The following NXF1 variants were observed in gnomAD, a reference collection of about 807,000 sequenced individuals.
NXF1 encodes the protein mRNA export factor TAP.
In NXF1, 43 loss-of-function variants were observed where a neutral mutation model predicts 92.4. The observed-to-expected ratio is 0.47, with a 90% confidence interval of 0.36 to 0.60. NXF1 has a LOEUF of 0.60. Ranked by LOEUF, NXF1 falls within the 20% of genes least tolerant of loss-of-function variation. NXF1 has a pLI of 0.00. For synonymous variants in NXF1, 288 were observed against 292.2 expected, an observed-to-expected ratio of 0.99 and a Z score of 0.15; for missense variants, 576 against 793.0, an observed-to-expected ratio of 0.73 and a Z score of 3.29.
At chr11:62,795,053 T>G in intron 17 of NXF1, 46 bp from the exon 18 acceptor site, 1 of 1,555,706 alleles carries the variant, frequency 6.4e-7, no homozygotes, top group South Asian at 1.1e-5. Context: ...TAGTGCTTTA[T>G]GTTTACAAAC....
Position 62,796,461 on chromosome 11 carries a change from G to A in NXF1, c.1285C>T (p.Arg429Ter), listed in dbSNP as rs1242043093. Reference sequence around the variant, plus strand: ...CAGATTCTGGGATGTGATACTAACCGGGCAGGGTTCTGAGGAATGAAAGGA... The same window carrying A: ...CAGATTCTGGGATGTGATACTAACCAGGCAGGGTTCTGAGGAATGAAAGGA... ...SIPFIPQNPARSSLAEYFKDS... is the reference protein window; with the variant it reads ...SIPFIPQNPA The change falls in exon 14 of 21, where the codon CGA becomes TGA. Residue 429 changes from arginine to a stop codon, truncating the protein, a stop_gained and splice_region_variant. Coordinates refer to ENST00000294172, the MANE Select transcript of NXF1 (RefSeq NM_006362.5). LOFTEE classifies it high-confidence loss of function. 1.9e-6 allele frequency: 3 copies of A among 1,613,896 alleles called. No homozygotes were observed. Among genetic ancestry groups the A allele is most frequent in the Admixed American group, 1.7e-5 (1 of 59,998 alleles).
At chr11:62,795,183 T>C (rs967964985) in intron 17 of NXF1, 176 bp from the exon 18 acceptor site, 6 of 584,674 alleles carry the variant, frequency 1.0e-5, no homozygotes, top group East Asian at 5.7e-5. Context: ...GAAAGGACAA[T>C]AGTAATAACT....
chr11:62,799,493 C>G, intron 10 of NXF1: 2 of 985,830 alleles, frequency 2.0e-6, no homozygotes, highest in Non-Finnish European at 2.4e-6. Flanking sequence ...TCTGTTGCCC[C>G]CAAGTTCTCT....
At position 62,801,590 on chromosome 11, in the gene NXF1, A is replaced by G. The variant is rs773212525; in HGVS notation, c.681T>C (p.Leu227=). ...SKRYDGSQQA[L]DLKGLRSDPD... ...GGTCTGAACGGAGGCCTTTGAGGTC[A>G]AGGGCTTGTTGGGAGCCATCGTATC... is the stretch of plus-strand genomic sequence containing the variant. The change falls in exon 7 of 21, where the codon CTT becomes CTC. Residue 227 remains leucine, a synonymous_variant. Coordinates refer to ENST00000294172, the MANE Select transcript of NXF1 (RefSeq NM_006362.5). The G allele has an allele frequency of 3.7e-6, 6 of 1,614,132 alleles. No homozygotes were observed. Among genetic ancestry groups the G allele is most frequent in the Non-Finnish European group, 8.5e-7 (1 of 1,180,028 alleles).
At chr11:62,792,601 G>C in intron 20 of NXF1, 40 bp downstream of exon 20, 1 of 1,613,928 alleles carries the variant, frequency 6.2e-7, no homozygotes, top group Non-Finnish European at 8.5e-7. Flanking sequence ...TGGAGGCCCA[G>C]AGATCCTAGT....
At chr11:62,798,445 AAAAAAG>A (rs1176132666) in intron 11 of NXF1, 88 bp downstream of exon 11, 432 of 1,539,704 alleles carry the variant, frequency 2.8e-4, no homozygotes, top group Admixed American at 4.3e-4. Context: ...ATAAAAAAAA[AAAAAAG>A]AAAAAGAAAA....
chr11:62,798,415 C>T (rs2084443042), intron 11 of NXF1, 124 bp downstream of exon 11: 10 of 1,376,992 alleles, frequency 7.3e-6, no homozygotes, highest in Non-Finnish European at 9.6e-6. Flanking sequence ...GCCTGGGCGA[C>T]GAGTGAAACT....
chr11:62,801,975 G>T lies in NXF1; in HGVS notation c.525C>A (p.Val175=), dbSNP rs779918280. 1 of 1,614,208 alleles carries T rather than the reference G, an allele frequency of 6.2e-7. No homozygotes were observed. Among genetic ancestry groups the T allele is most frequent in the East Asian group, 2.2e-5 (1 of 44,890 alleles). Residue 175 remains valine (V), a synonymous_variant, in exon 5 of 21, where the codon GTC becomes GTA. Coordinates refer to ENST00000294172, the MANE Select transcript of NXF1 (RefSeq NM_006362.5). ...TCTCCCGATCCAAAATCTTATAGTTGACAGCCTTCAATGCAGAGGCAGTAC... is the reference window on the plus strand; with the variant it reads ...TCTCCCGATCCAAAATCTTATAGTTTACAGCCTTCAATGCAGAGGCAGTAC... The part of the protein sequence containing the change: ...DASTASALKA[V]NYKILDRENR...
rs1474268397 is a variant in NXF1 at position 62,796,464 on chromosome 11, C to G, written c.1282G>C (p.Ala428Pro). 1 of 1,613,992 alleles carries G rather than the reference C, an allele frequency of 6.2e-7. No individual in the cohort carries two copies. Among genetic ancestry groups the G allele is most frequent in the Non-Finnish European group, 8.5e-7 (1 of 1,179,988 alleles). The change falls in exon 14 of 21, where the codon GCC (alanine) becomes CCC (proline). Residue 428 changes from alanine (A) to proline (P), a missense_variant. Coordinates refer to ENST00000294172, the MANE Select transcript of NXF1 (RefSeq NM_006362.5). Reference protein sequence around the residue: ...LSIPFIPQNPARSSLAEYFKD... With the variant: ...LSIPFIPQNPPRSSLAEYFKD... Reference sequence around the variant, plus strand: ...ATTCTGGGATGTGATACTAACCGGGCAGGGTTCTGAGGAATGAAAGGAATG... The same window carrying G: ...ATTCTGGGATGTGATACTAACCGGGGAGGGTTCTGAGGAATGAAAGGAATG...
intron 1 of NXF1, chr11:62,805,011 C>A: frequency 3.4e-6 from 1 of 295,308 alleles, no homozygotes. Context: ...ACGAGCAGGG[C>A]ACTCACTCAC....
chr11:62,804,068 G>A (rs765628690), intron 1 of NXF1, 90 bp from the exon 2 acceptor site: 4 of 1,598,490 alleles, frequency 2.5e-6, no homozygotes, highest in East Asian at 4.5e-5. Context: ...TGAACTATTG[G>A]AAGAGATACA....
intron 18 of NXF1, 31 bp downstream of exon 18, chr11:62,794,904 T>G: frequency 6.2e-7 from 1 of 1,601,572 alleles, no homozygotes; most frequent in Non-Finnish European, 8.6e-7. Flanking sequence ...GGATTAGGAC[T>G]GGTATCCAAT....
At position 62,797,351 on chromosome 11, in the gene NXF1, A is replaced by G; in HGVS notation, c.1089T>C (p.Asp363=). The change falls in exon 12 of 21, where the codon GAT becomes GAC. Residue 363 remains aspartate, a synonymous_variant. Transcript: ENST00000294172. ...GCGGTAACGTCGTGGGGGCTTCAACATCAAAGGCAATTGGTGGGGGTAGCT... is the reference window on the plus strand; with the variant it reads ...GCGGTAACGTCGTGGGGGCTTCAACGTCAAAGGCAATTGGTGGGGGTAGCT... ...GHELPPPIAF[D]VEAPTTLPPC... The G allele has an allele frequency of 6.2e-7, 1 of 1,613,884 alleles. No homozygotes were observed. Among genetic ancestry groups the G allele is most frequent in the South Asian group, 1.1e-5 (1 of 91,074 alleles).
chr11:62,795,610 A>G (rs995759029), intron 17 of NXF1, among the ~76,000 whole-genome samples: 2 of 152,222 alleles, frequency 1.3e-5, no homozygotes, highest in African/African-American at 4.8e-5. Context: ...TCTTACAAAT[A>G]AAGAATCTGT....
intron 9 of NXF1, 37 bp downstream of exon 9, chr11:62,801,057 A>G: frequency 6.8e-7 from 1 of 1,478,338 alleles, no homozygotes; most frequent in Non-Finnish European, 9.5e-7. Context: ...CCCTCTACCC[A>G]CCCCTTCAAA....
chr11:62,796,230 T>C (rs1565198226), intron 15 of NXF1, 49 bp from the exon 16 acceptor site: 1 of 1,613,232 alleles, frequency 6.2e-7, no homozygotes, highest in Non-Finnish European at 8.5e-7. Context: ...ACTCCTGAGT[T>C]CTGACTGATT....
intron 13 of NXF1, 64 bp from the exon 14 acceptor site, chr11:62,796,631 G>A: frequency 1.8e-6 from 2 of 1,090,474 alleles, no homozygotes; most frequent in South Asian, 1.3e-5. Flanking sequence ...GGACCCAGTA[G>A]CTCCCAAGAG....
intron 19 of NXF1, among the ~76,000 whole-genome samples, chr11:62,793,563 G>C (rs111966744): frequency 6.6e-6 from 1 of 152,154 alleles, no homozygotes. Context: ...TGTAGTCCCA[G>C]CTACTCAGGT....
chr11:62,798,176 C>G (rs887754082), intron 11 of NXF1, among the ~76,000 whole-genome samples: 11 of 151,164 alleles, frequency 7.3e-5, no homozygotes, highest in Middle Eastern at 3.4e-3. Flanking sequence ...GTCTGTAATC[C>G]CAGCACTTTG....
Sources: gnomAD v4.1 joint callset for allele counts (sites outside exome capture counted in the v4.1 genomes callset) on GRCh38, gnomAD v4.1.1 for gene constraint, MANE v1.5 for transcripts, NCBI Gene and HGNC (gene_info 2026-07-23, HGNC 2026-07-21) for gene names.